The following ZNF454 variants were observed in gnomAD, a reference collection of about 807,000 sequenced individuals.
ZNF454 encodes zinc finger protein 454.
ZNF454 carries 30 observed loss-of-function variants against 48.2 expected under a neutral mutation model. The observed-to-expected ratio is 0.62, with a 90% CI of 0.47 to 0.84. ZNF454 has a LOEUF of 0.84. ZNF454 is among the 40% of genes least tolerant of loss of function. The pLI, the probability that ZNF454 is intolerant of heterozygous loss-of-function variation, is 0.00. For synonymous variants in ZNF454, 204 were observed against 211.4 expected (o/e 0.97, Z 0.30); for missense variants, 510 against 623.1 (o/e 0.82, Z 1.93).
intron 4 of ZNF454, among the ~76,000 whole-genome samples, chr5:178,950,162 C>T (rs1418647442): frequency 1.3e-5 from 2 of 152,174 alleles, no homozygotes; most frequent in Non-Finnish European, 2.9e-5. Flanking sequence ...TGTGAGCCAC[C>T]GTACCTGGCT....
intron 4 of ZNF454, among the ~76,000 whole-genome samples, chr5:178,952,280 G>A (rs972777169): frequency 1.3e-5 from 2 of 152,064 alleles, no homozygotes; most frequent in African/African-American, 2.4e-5. Flanking sequence ...CTCGTGATCC[G>A]CCCGCCTCGG....
chr5:178,941,264 G>C lies in ZNF454; in HGVS notation c.-288G>C. ...GATGTGGCGCTTGCGATCTCTCGCC[G>C]CCGGCAGAGGCTCCTCGAAGAGCGA... is the stretch of plus-strand genomic sequence containing the variant. On this transcript the variant is annotated 5_prime_UTR_variant, in exon 1 of 5. Transcript: ENST00000519564. This position sits in a 1 kb window ranked among gnomAD's most constrained non-coding sequence, Gnocchi z 5.5. 2.5e-6 allele frequency: 1 copy of C among 397,418 alleles called. No individual in the cohort carries two copies. The highest frequency in any genetic ancestry group is 1.8e-5 in the South Asian group (1 of 54,822). The allele number at this position is 397,418 out of a possible 1,614,324, so 24.6% of individuals were successfully genotyped here.
chr5:178,984,803 C>T, the ZNF454 span, among the ~76,000 whole-genome samples: 34 of 152,216 alleles, frequency 2.2e-4, no homozygotes, highest in African/African-American at 5.8e-4. Context: ...AGAAGGGGCT[C>T]GCCGGGAGTG....
At chr5:178,948,482 T>G (rs1332311115) in intron 4 of ZNF454, among the ~76,000 whole-genome samples, 1 of 152,216 alleles carries the variant, frequency 6.6e-6, no homozygotes, top group Non-Finnish European at 1.5e-5. Flanking sequence ...AGTCTAATTC[T>G]TCATTGCACC....
the ZNF454 span, among the ~76,000 whole-genome samples, chr5:178,971,756 T>C: frequency 6.7e-6 from 1 of 149,318 alleles, no homozygotes; most frequent in Non-Finnish European, 1.5e-5. Context: ...CTTGGGAGGC[T>C]GAGGCAGGAG....
At chr5:178,969,556 G>T (rs1340125305), downstream of ZNF454, 1 of 456,944 alleles carries the variant, frequency 2.2e-6, no homozygotes, top group Non-Finnish European at 4.4e-6. Flanking sequence ...CTGGTGATGT[G>T]CCACCTTCAG....
At position 178,964,890 on chromosome 5, in the gene ZNF454, T is replaced by C; in HGVS notation, c.486T>C (p.Ser162=). The part of the protein sequence containing the change: ...CDESGSTMSS[S]LHSDQSQGFQ... ...AATCCGGGAGCACTATGAGCTCATC[T>C]CTTCACAGTGATCAAAGTCAGGGAT... Residue 162 remains serine, a synonymous_variant, in exon 5 of 5, where the codon TCT becomes TCC. Coordinates refer to ENST00000519564, the MANE Select transcript of ZNF454 (RefSeq NM_001178089.3). 6.2e-7 allele frequency: 1 copy of C among 1,614,192 alleles called. No homozygotes were observed. The highest frequency in any genetic ancestry group is 8.5e-7 in the Non-Finnish European group (1 of 1,180,034).
At chr5:178,956,670 A>AT (rs113596251) in intron 4 of ZNF454, among the ~76,000 whole-genome samples, 37,630 of 78,930 alleles carry the variant, frequency 0.48, 6,047 homozygotes, top group South Asian at 0.55. Flanking sequence ...ATTTTATTTT[A>AT]TTTAATTTAT....
chr5:178,955,040 T>G (rs73334721), intron 4 of ZNF454, among the ~76,000 whole-genome samples: 17,205 of 152,252 alleles, frequency 0.11, 1,393 homozygotes, highest in African/African-American at 0.23. Flanking sequence ...AGTTTACATG[T>G]TTTTTTGTGG....
chr5:178,946,312 T>C lies in ZNF454; in HGVS notation c.34-47T>C, dbSNP rs765433906. ...TGCCAGTCTCTTTTCCAGAGAACCA[T>C]GTGCAGGGGTAGCCCCTGGTCAAGG... On this transcript the variant is annotated intron_variant, in intron 2 of 4. Coordinates refer to ENST00000519564, the MANE Select transcript of ZNF454 (RefSeq NM_001178089.3). The surrounding 1 kb of genome is among the most constrained non-coding windows in gnomAD (Gnocchi z 4.5). 6 of 1,598,482 alleles carry C rather than the reference T, an allele frequency of 3.8e-6. No homozygotes were observed. Among genetic ancestry groups the C allele is most frequent in the Non-Finnish European group, 5.1e-6 (6 of 1,175,714 alleles).
the ZNF454 span, chr5:178,981,423 C>T: frequency 1.0e-4 from 48 of 479,450 alleles, no homozygotes; most frequent in Middle Eastern, 5.5e-4. The surrounding 1 kb of genome is among the most constrained non-coding windows in gnomAD (Gnocchi z 5.1). Context: ...GGCTGTTTCC[C>T]ACCATGGGAA....
the ZNF454 span, among the ~76,000 whole-genome samples, chr5:178,974,964 T>C: frequency 6.6e-6 from 1 of 152,166 alleles, no homozygotes; most frequent in African/African-American, 2.4e-5. Context: ...TCTGCTCACC[T>C]CTTCTCTCTC....
Position 178,942,824 on chromosome 5 carries a change from G to A in ZNF454, c.33G>A (p.Gln11=), listed in dbSNP as rs371410479. 9 of 1,612,482 alleles carry A rather than the reference G, an allele frequency of 5.6e-6. No homozygotes were observed. In the African/African-American group the frequency reaches 1.2e-4, roughly 22 times the overall value. The change falls in exon 2 of 5, where the codon CAG becomes CAA. Residue 11 remains glutamine (Q), a splice_region_variant and synonymous_variant. Coordinates refer to ENST00000519564, the MANE Select transcript of ZNF454 (RefSeq NM_001178089.3). MAVSHLPTMV[Q]ESVTFKDVAI... Reference sequence around the variant, plus strand: ...TCAGCCACCTGCCAACCATGGTCCAGGTGAGTGGGGGTTTCTTCCCCCTAA... The same window carrying A: ...TCAGCCACCTGCCAACCATGGTCCAAGTGAGTGGGGGTTTCTTCCCCCTAA...
In ZNF454 at chr5:178,964,259, T is replaced by C. The variant is rs1581881548; in HGVS notation, c.251-396T>C. Among the ~76,000 whole-genome samples, 7 of 151,796 alleles carry C rather than the reference T, an allele frequency of 4.6e-5. No homozygotes were observed. The South Asian group carries it at 1.5e-3, about 32-fold the overall frequency. The stretch of plus-strand genomic sequence containing the variant: ...CCTCAGCCTCCTGAGTAGCTGGGAC[T>C]ACAGGCTCCCACCACCACGCCCGGC... On this transcript the variant is annotated intron_variant, in intron 4 of 4. Coordinates refer to ENST00000519564, the MANE Select transcript of ZNF454 (RefSeq NM_001178089.3).
chr5:178,958,019 C>T (rs1430347648), intron 4 of ZNF454, among the ~76,000 whole-genome samples: 1 of 152,016 alleles, frequency 6.6e-6, no homozygotes, highest in Non-Finnish European at 1.5e-5. Context: ...TATCCAATAG[C>T]TGATAGAAAA....
the ZNF454 span, chr5:178,989,211 A>ACCCCC: frequency 1.6e-5 from 2 of 121,714 alleles, no homozygotes; most frequent in Non-Finnish European, 2.6e-5. Flanking sequence ...CCCCCTCCCC[A>ACCCCC]CCCTCACCAC....
chr5:178,981,587 A>G, the ZNF454 span: 1 of 1,248,404 alleles, frequency 8.0e-7, no homozygotes, highest in Admixed American at 1.7e-5. This position sits in a 1 kb window ranked among gnomAD's most constrained non-coding sequence, Gnocchi z 5.1. Flanking sequence ...CCCGGGCTCT[A>G]TACAGCTTCC....
chr5:178,960,140 G>A (rs1759948364), intron 4 of ZNF454, among the ~76,000 whole-genome samples: 1 of 151,200 alleles, frequency 6.6e-6, no homozygotes, highest in African/African-American at 2.4e-5. Context: ...TTGTAGAGAC[G>A]AGGTTTCACC....
the ZNF454 span, chr5:178,989,369 T>C: frequency 6.2e-7 from 1 of 1,614,060 alleles, no homozygotes; most frequent in Non-Finnish European, 8.5e-7. Context: ...CCTGCGGTTG[T>C]TCTCCAGGGA....
Sources: allele counts gnomAD v4.1 joint callset (sites outside exome capture counted in the v4.1 genomes callset), GRCh38; gene constraint gnomAD v4.1.1; non-coding constraint Gnocchi (gnomAD v3.1); transcripts MANE v1.5; gene names NCBI Gene and HGNC (gene_info 2026-07-23, HGNC 2026-07-21).